Variants in CTHRC1 observed in about 807,000 individuals in gnomAD.
CTHRC1 encodes collagen triple helix repeat containing 1.
CTHRC1 carries 21 observed loss-of-function variants against 25.9 expected under a neutral mutation model. The observed-to-expected ratio is 0.81, with a 90% CI of 0.57 to 1.17. The LOEUF is 1.17. Ranked by LOEUF, CTHRC1 falls within the 50% of genes most tolerant of loss-of-function variation. CTHRC1 has a pLI of 0.00. For missense variants in CTHRC1, 281 were observed against 304.3 expected, an observed-to-expected ratio of 0.92 and a Z score of 0.57; for synonymous variants, 109 against 113.1, an observed-to-expected ratio of 0.96 and a Z score of 0.23.
chr8:103,375,095 G>C (rs2130398113), intron 1 of CTHRC1, among the ~76,000 whole-genome samples: 1 of 152,202 alleles, frequency 6.6e-6, no homozygotes, highest in East Asian at 1.9e-4. Context: ...GGGATGAGAG[G>C]CCAGAAATGT....
At chr8:103,378,454 G>A (rs1008825009) in intron 3 of CTHRC1, among the ~76,000 whole-genome samples, 2 of 152,128 alleles carry the variant, frequency 1.3e-5, no homozygotes, top group African/African-American at 2.4e-5. Flanking sequence ...ATGAACTAAC[G>A]CAGAATCTCT....
intron 1 of CTHRC1, among the ~76,000 whole-genome samples, chr8:103,373,415 G>A (rs757070975): frequency 6.6e-6 from 1 of 150,796 alleles, no homozygotes; most frequent in African/African-American, 2.5e-5. Context: ...AGAAACAGGG[G>A]CGTATAAAAG....
At chr8:103,376,831 T>C (rs1166066112) in intron 2 of CTHRC1, among the ~76,000 whole-genome samples, 1 of 152,236 alleles carries the variant, frequency 6.6e-6, no homozygotes, top group Non-Finnish European at 1.5e-5. Context: ...TGAGACTGTC[T>C]TGTTTTGTGA....
chr8:103,371,875 C>A, intron 1 of CTHRC1, 69 bp downstream of exon 1: 2 of 1,412,368 alleles, frequency 1.4e-6, no homozygotes, highest in South Asian at 1.5e-5. Context: ...GCCCCACGGG[C>A]AGGGCGTCAG....
chr8:103,379,425 T>C (rs963020684), intron 3 of CTHRC1, among the ~76,000 whole-genome samples: 2 of 151,814 alleles, frequency 1.3e-5, no homozygotes, highest in East Asian at 1.9e-4. Context: ...GTTTGTTCTA[T>C]TTTAAGATTC....
chr8:103,375,184 C>A (rs1369952300), intron 1 of CTHRC1, among the ~76,000 whole-genome samples: 1 of 151,972 alleles, frequency 6.6e-6, no homozygotes, highest in Admixed American at 6.5e-5. Context: ...ATTGCCAGTA[C>A]AAGATAATTA....
intron 2 of CTHRC1, chr8:103,377,126 TAGAC>T (rs1296725964): frequency 3.3e-5 from 5 of 152,204 alleles, no homozygotes; most frequent in African/African-American, 9.6e-5. Context: ...CATGAGCCAA[TAGAC>T]AGACAAATTT....
Position 103,371,735 on chromosome 8 carries a change from C to T in CTHRC1, c.79C>T (p.Pro27Ser), listed in dbSNP as rs983238628. 1 of 1,535,536 alleles carries T rather than the reference C, an allele frequency of 6.5e-7. No homozygotes were observed. Among genetic ancestry groups the T allele is most frequent in the Non-Finnish European group, 8.8e-7 (1 of 1,141,712 alleles). The change falls in exon 1 of 4, where the codon CCG becomes TCG. Residue 27 changes from proline (P) to serine (S), a missense_variant. Pro to Ser is a moderately conservative substitution (Grantham distance 74). Coordinates refer to ENST00000330295, the MANE Select transcript of CTHRC1 (RefSeq NM_138455.4). ...LLLLLLQLPA[P>S]SSASEIPKGK... is the part of the protein sequence containing the mutation. ...GCTCCTGCTGCTGCAGCTGCCCGCG[C>T]CGTCGAGCGCCTCTGAGATCCCCAA...
chr8:103,380,761 G>C (rs974190648), intron 3 of CTHRC1, among the ~76,000 whole-genome samples: 1 of 152,208 alleles, frequency 6.6e-6, no homozygotes, highest in African/African-American at 2.4e-5. Context: ...AGGGGGAAGT[G>C]AACAAGTTTC....
chr8:103,376,898 G>A (rs980912171), intron 2 of CTHRC1, among the ~76,000 whole-genome samples: 6 of 152,158 alleles, frequency 3.9e-5, no homozygotes, highest in Admixed American at 2.6e-4. Flanking sequence ...CTGTGTTCAT[G>A]TGTGTTTCTA....
In CTHRC1 at chr8:103,371,641, C is replaced by T. The variant is rs907791933; in HGVS notation, c.-16C>T. The T allele has an allele frequency of 3.1e-5, 47 of 1,530,368 alleles. No individual in the cohort carries two copies. The highest frequency in any genetic ancestry group is 3.7e-5 in the Non-Finnish European group (42 of 1,140,290). The allele number at this position is 1,530,368 out of a possible 1,614,324, so 94.8% of individuals were successfully genotyped here. A position where few individuals can be genotyped will look rare whatever the true frequency, so the allele number is the denominator to read the frequency against. ...TCCTCCGCCTCCAGCTCCGCGCTGC[C>T]CGGCAGCCGGGAGCCATGCGACCCC... On this transcript the variant is annotated 5_prime_UTR_variant, in exon 1 of 4. Transcript: ENST00000330295.
intron 3 of CTHRC1, among the ~76,000 whole-genome samples, chr8:103,378,826 G>A (rs1815854833): frequency 6.6e-6 from 1 of 151,988 alleles, no homozygotes; most frequent in African/African-American, 2.4e-5. Flanking sequence ...ACAAACCTGG[G>A]CAAGAGGGCG....
intron 3 of CTHRC1, among the ~76,000 whole-genome samples, chr8:103,380,614 AG>A (rs1261271760): frequency 6.6e-6 from 1 of 152,238 alleles, no homozygotes; most frequent in African/African-American, 2.4e-5. Flanking sequence ...TTACTTAACA[AG>A]CTATCATACT....
Position 103,382,544 on chromosome 8 carries a change from G to T in CTHRC1, c.676G>T (p.Ala226Ser). 1.2e-6 allele frequency: 2 copies of T among 1,613,388 alleles called. No homozygotes were observed. Among genetic ancestry groups the T allele is most frequent in the Non-Finnish European group, 1.7e-6 (2 of 1,179,450 alleles). The change falls in exon 4 of 4, where the codon GCT (alanine) becomes TCT (serine). Residue 226 changes from alanine to serine, a missense_variant. By Grantham distance (99) the Ala-to-Ser change is moderately conservative. Transcript: ENST00000330295. ...GTCSDYPKGDASTGWNSVSRI... is the reference protein window; with the variant it reads ...GTCSDYPKGDSSTGWNSVSRI... ...TTGTTCAGATTACCCAAAAGGAGAT[G>T]CTTCTACTGGATGGAATTCAGTTTC...
At chr8:103,376,693 C>T (rs1015454202) in intron 2 of CTHRC1, among the ~76,000 whole-genome samples, 6 of 152,218 alleles carry the variant, frequency 3.9e-5, no homozygotes, top group Non-Finnish European at 8.8e-5. Flanking sequence ...CAACATATTA[C>T]TTCATGATTT....
Position 103,371,786 on chromosome 8 carries a change from C to T in CTHRC1, c.130C>T (p.Gln44Ter). 6.5e-7 allele frequency: 1 copy of T among 1,532,762 alleles called. No homozygotes were observed. Among genetic ancestry groups the T allele is most frequent in the Non-Finnish European group, 8.8e-7 (1 of 1,139,378 alleles). 94.9% of individuals were successfully genotyped at this position (1,532,762 alleles called of 1,614,324 possible). A position where few individuals can be genotyped will look rare whatever the true frequency, so the allele number is the denominator to read the frequency against. Residue 44 changes from glutamine to a stop codon, truncating the protein, a stop_gained, in exon 1 of 4, where the codon CAG becomes TAG. Coordinates refer to ENST00000330295, the MANE Select transcript of CTHRC1 (RefSeq NM_138455.4). LOFTEE classifies it high-confidence loss of function. Reference protein sequence around the residue: ...PKGKQKAQLRQREVVDLYNGM... With the variant: ...PKGKQKAQLR ...GGGGAAGCAAAAGGCGCAGCTCCGG[C>T]AGAGGGAGGTGGTGGACCTGGTGAG...
chr8:103,372,350 G>C, intron 1 of CTHRC1: 1 of 1,013,300 alleles, frequency 9.9e-7, no homozygotes, highest in Non-Finnish European at 1.4e-6. Context: ...TGAAGACTAT[G>C]AGTCACGTTG....
intron 1 of CTHRC1, among the ~76,000 whole-genome samples, chr8:103,373,443 C>G (rs1240815297): frequency 1.3e-5 from 2 of 149,314 alleles, no homozygotes; most frequent in Non-Finnish European, 3.0e-5. Flanking sequence ...CCCTTCACAT[C>G]TTTTTTTTTT....
At chr8:103,381,349 G>C (rs983198158) in intron 3 of CTHRC1, among the ~76,000 whole-genome samples, 5 of 151,112 alleles carry the variant, frequency 3.3e-5, no homozygotes, top group Non-Finnish European at 7.4e-5. Flanking sequence ...CTATCACAAG[G>C]ACAGAAAACC....
Sources: gnomAD v4.1 joint callset for allele counts (sites outside exome capture counted in the v4.1 genomes callset) on GRCh38, gnomAD v4.1.1 for gene constraint, MANE v1.5 for transcripts, NCBI Gene and HGNC (gene_info 2026-07-23, HGNC 2026-07-21) for gene names.